MAP4: variants seen among roughly 807,000 people sequenced by gnomAD.
The protein encoded by MAP4 is microtubule-associated protein 4.
MAP4 carries 76 observed loss-of-function variants against 170.2 expected under a neutral mutation model. The observed-to-expected ratio is 0.45, with a 90% CI of 0.37 to 0.54. The LOEUF (loss-of-function observed/expected upper bound fraction) is 0.54, where lower values mean the gene tolerates loss of function less well. Ranked by LOEUF, MAP4 falls within the 20% of genes least tolerant of loss-of-function variation. The pLI, the probability that MAP4 is intolerant of heterozygous loss-of-function variation, is 0.00. For missense variants in MAP4, 2,506 were observed against 2,748.0 expected, an observed-to-expected ratio of 0.91 and a Z score of 1.97; for synonymous variants, 909 against 994.5, an observed-to-expected ratio of 0.91 and a Z score of 1.62.
chr3:48,002,618 T>C (rs953188578), intron 1 of MAP4, among the ~76,000 whole-genome samples: 1 of 151,372 alleles, frequency 6.6e-6, no homozygotes, highest in Non-Finnish European at 1.5e-5. Context: ...CAGAGGCTCA[T>C]GCCTGTAACC....
intron 1 of MAP4, among the ~76,000 whole-genome samples, chr3:48,026,011 T>A (rs2100112949): frequency 6.6e-6 from 1 of 151,462 alleles, no homozygotes; most frequent in African/African-American, 2.4e-5. Context: ...AGTCTATACA[T>A]CTGAAGAGAA....
chr3:47,861,824 A>C (rs977428601), intron 17 of MAP4, among the ~76,000 whole-genome samples: 7 of 151,816 alleles, frequency 4.6e-5, no homozygotes, highest in Non-Finnish European at 7.4e-5. Flanking sequence ...ACGCCACTGC[A>C]CTCCAGCCTG....
rs1202093277 is a variant in MAP4 at position 47,881,486 on chromosome 3, ATATATATAT to A, written c.5435-3972_5435-3964del. On this transcript the variant is annotated intron_variant, in intron 10 of 20. Coordinates refer to ENST00000683076, the MANE Select transcript of MAP4 (RefSeq NM_001385682.1). ...TATATATATATATATATATATATAT[ATATATATAT>A]ATGCATAATCATTATATATAGCTAC... 6.4e-5 allele frequency among the ~76,000 whole-genome samples: 6 copies of A among 93,178 alleles called. No individual in the cohort carries two copies. In the East Asian group the frequency reaches 2.1e-3, roughly 33 times the overall value. 61.1% of individuals were successfully genotyped at this position (93,178 alleles called of 152,430 possible).
At position 47,958,054 on chromosome 3, in the gene MAP4, G is replaced by A. The variant is rs77911616; in HGVS notation, c.292+19811C>T. 3.2e-3 allele frequency among the ~76,000 whole-genome samples: 484 copies of A among 152,290 alleles called. 3 individuals carry two copies. Among genetic ancestry groups the A allele is most frequent in the African/African-American group, 0.011 (469 of 41,560 alleles). Reference sequence around the variant, plus strand: ...CATTAGAAGATGAGACTGCCACTTGGCTACTTGGGACTCCTTACACCACTG... The same window carrying A: ...CATTAGAAGATGAGACTGCCACTTGACTACTTGGGACTCCTTACACCACTG... On this transcript the variant is annotated intron_variant, in intron 3 of 20. Coordinates refer to ENST00000683076, the MANE Select transcript of MAP4 (RefSeq NM_001385682.1).
At chr3:47,917,792 C>T (rs2100040587) in intron 6 of MAP4, among the ~76,000 whole-genome samples, 1 of 152,050 alleles carries the variant, frequency 6.6e-6, no homozygotes, top group Non-Finnish European at 1.5e-5. Flanking sequence ...TGTGGGACAG[C>T]AGGTCAGTCA....
intron 1 of MAP4, among the ~76,000 whole-genome samples, chr3:48,042,048 A>T (rs2100121888): frequency 6.6e-6 from 1 of 152,202 alleles, no homozygotes; most frequent in Admixed American, 6.5e-5. Flanking sequence ...CCTTTGTAAT[A>T]AACTGGTAAA....
intron 10 of MAP4, among the ~76,000 whole-genome samples, chr3:47,879,924 G>A (rs1021394587): frequency 7.2e-5 from 11 of 152,150 alleles, no homozygotes; most frequent in African/African-American, 1.9e-4. Context: ...TAGATAGAAA[G>A]TATTCACTTA....
At chr3:47,861,242 C>T (rs1227914284) in intron 17 of MAP4, among the ~76,000 whole-genome samples, 1 of 152,100 alleles carries the variant, frequency 6.6e-6, no homozygotes, top group Non-Finnish European at 1.5e-5. Flanking sequence ...GCACTGTAGT[C>T]CCAGTTACTC....
intron 17 of MAP4, among the ~76,000 whole-genome samples, chr3:47,859,239 T>G (rs921630452): frequency 6.6e-6 from 1 of 152,218 alleles, no homozygotes; most frequent in Non-Finnish European, 1.5e-5. Flanking sequence ...TGGTAGGTAC[T>G]GTGGGAGAGC....
intron 7 of MAP4, among the ~76,000 whole-genome samples, chr3:47,915,513 A>G (rs1347838050): frequency 2.6e-5 from 4 of 152,204 alleles, no homozygotes; most frequent in Non-Finnish European, 2.9e-5. Flanking sequence ...GAGGGGCAAA[A>G]AAGGGAAGAA....
At chr3:47,882,970 C>T (rs1434692898) in intron 10 of MAP4, among the ~76,000 whole-genome samples, 1 of 151,652 alleles carries the variant, frequency 6.6e-6, no homozygotes, top group Admixed American at 6.6e-5. Flanking sequence ...CCATGCTTGG[C>T]TAATTTTTCT....
At chr3:47,903,406 G>C (rs1024289044) in intron 9 of MAP4, among the ~76,000 whole-genome samples, 1 of 152,048 alleles carries the variant, frequency 6.6e-6, no homozygotes, top group Non-Finnish European at 1.5e-5. Flanking sequence ...AGTGGTGGGC[G>C]CCTGTAGTCC....
At chr3:47,905,138 A>T (rs1006518051) in intron 9 of MAP4, among the ~76,000 whole-genome samples, 1 of 152,212 alleles carries the variant, frequency 6.6e-6, no homozygotes, top group Admixed American at 6.5e-5. Flanking sequence ...CCAGTGATGG[A>T]CTAACAAAAC....
chr3:47,920,799 A>G (rs1022575105), intron 5 of MAP4, among the ~76,000 whole-genome samples: 1 of 151,524 alleles, frequency 6.6e-6, no homozygotes, highest in African/African-American at 2.4e-5. Context: ...CAATCCTGTC[A>G]CCTCAGCTTC....
intron 6 of MAP4, among the ~76,000 whole-genome samples, chr3:47,918,493 TA>T (rs2100040962): frequency 6.6e-6 from 1 of 152,074 alleles, no homozygotes; most frequent in Admixed American, 6.6e-5. Flanking sequence ...AAAATATATA[TA>T]TGTTAAAAAA....
chr3:48,023,612 A>T (rs2100111637), intron 1 of MAP4, among the ~76,000 whole-genome samples: 1 of 152,226 alleles, frequency 6.6e-6, no homozygotes, highest in African/African-American at 2.4e-5. Flanking sequence ...AGACAGTATA[A>T]GGTTTGTCTG....
At position 47,916,522 on chromosome 3, in the gene MAP4, C is replaced by T; in HGVS notation, c.1305G>A (p.Lys435=). 6.2e-7 allele frequency: 1 copy of T among 1,613,976 alleles called. No homozygotes were observed. Residue 435 remains lysine, a synonymous_variant, in exon 7 of 21, where the codon AAG becomes AAA. Coordinates refer to ENST00000683076, the MANE Select transcript of MAP4 (RefSeq NM_001385682.1). The part of the protein sequence containing the change: ...ISSTEISSAE[K]VALSSETEVA... ...CCTCTGTTTCTGAGGACAAAGCCACCTTCTCAGCAGAGGATATTTCTGTGG... is the reference window on the plus strand; with the variant it reads ...CCTCTGTTTCTGAGGACAAAGCCACTTTCTCAGCAGAGGATATTTCTGTGG...
intron 12 of MAP4, among the ~76,000 whole-genome samples, chr3:47,872,752 C>G (rs902745438): frequency 1.3e-5 from 2 of 152,212 alleles, no homozygotes; most frequent in African/African-American, 4.8e-5. Flanking sequence ...ATATCATACA[C>G]ACACACACAC....
intron 1 of MAP4, among the ~76,000 whole-genome samples, chr3:48,011,179 G>A (rs975303588): frequency 2.6e-5 from 4 of 152,054 alleles, no homozygotes; most frequent in East Asian, 1.9e-4. Flanking sequence ...AACCACTGCC[G>A]AATTCAGGAT....
Sources: gnomAD v4.1 joint callset for allele counts (sites outside exome capture counted in the v4.1 genomes callset) on GRCh38, gnomAD v4.1.1 for gene constraint, MANE v1.5 for transcripts, NCBI Gene and HGNC (gene_info 2026-07-23, HGNC 2026-07-21) for gene names.